FMN1: variants seen among roughly 807,000 people sequenced by gnomAD.
FMN1 encodes the protein formin-1.
Under a neutral mutation model 132.4 loss-of-function variants are expected in FMN1, and 110 were observed. The observed-to-expected ratio is 0.83, with a 90% CI of 0.71 to 0.97. The LOEUF is 0.97. Among genes scored for constraint, FMN1 ranks in the 50% least tolerant of loss-of-function variants. FMN1 has a pLI of 0.00. For missense variants in FMN1, 1,792 were observed against 1,705.3 expected (o/e 1.05, Z -0.90); for synonymous variants, 722 against 651.7 (o/e 1.11, Z -1.64).
At chr15:33,070,679 G>A (rs563043474) in intron 5 of FMN1, among the ~76,000 whole-genome samples, 3 of 152,116 alleles carry the variant, frequency 2.0e-5, no homozygotes, top group Admixed American at 2.0e-4. Flanking sequence ...GGTATTATTA[G>A]GCCCATTTTT....
At chr15:32,960,736 C>T (rs2030416308) in intron 9 of FMN1, among the ~76,000 whole-genome samples, 1 of 152,036 alleles carries the variant, frequency 6.6e-6, no homozygotes, top group Admixed American at 6.5e-5. Flanking sequence ...TGGCTCACGC[C>T]TGTAATCCCA....
chr15:33,061,434 C>G (rs1012297815), intron 6 of FMN1, among the ~76,000 whole-genome samples: 4 of 151,852 alleles, frequency 2.6e-5, no homozygotes, highest in Admixed American at 6.6e-5. Context: ...TACATATATA[C>G]AAATATATAT....
At chr15:33,091,345 G>A (rs984668691) in intron 4 of FMN1, among the ~76,000 whole-genome samples, 5 of 152,142 alleles carry the variant, frequency 3.3e-5, no homozygotes, top group Admixed American at 6.5e-5. Flanking sequence ...ATCCAATACT[G>A]CATTAATGAG....
chr15:32,893,536 G>A (rs2060083371), intron 15 of FMN1, among the ~76,000 whole-genome samples: 1 of 152,256 alleles, frequency 6.6e-6, no homozygotes, highest in Non-Finnish European at 1.5e-5. Context: ...CAAAAACCAG[G>A]CATGAGAATA....
At chr15:32,774,400 T>C in intron 20 of FMN1, 46 bp from the exon 21 acceptor site, 2 of 1,499,148 alleles carry the variant, frequency 1.3e-6, no homozygotes, top group Non-Finnish European at 1.8e-6. Flanking sequence ...TTCATCTTTC[T>C]CAAGTTTTGA....
chr15:32,988,012 A>G (rs1397767562), intron 7 of FMN1, among the ~76,000 whole-genome samples: 1 of 150,032 alleles, frequency 6.7e-6, no homozygotes, highest in Non-Finnish European at 1.5e-5. Flanking sequence ...AAAAAATGTT[A>G]AAAGGTATTC....
At chr15:32,785,191 TG>T (rs2056820824) in intron 19 of FMN1, among the ~76,000 whole-genome samples, 1 of 40,924 alleles carries the variant, frequency 2.4e-5, no homozygotes, top group Non-Finnish European at 5.1e-5. Context: ...TGTGTGTGTG[TG>T]TGTGTGTGTA....
intron 4 of FMN1, among the ~76,000 whole-genome samples, chr15:33,093,842 A>G (rs1403000179): frequency 1.3e-5 from 2 of 152,240 alleles, no homozygotes; most frequent in Admixed American, 6.5e-5. Flanking sequence ...GGCAACTGCA[A>G]TGTAGTTTGC....
chr15:33,081,875 G>A (rs922866940), intron 5 of FMN1, among the ~76,000 whole-genome samples: 3 of 152,082 alleles, frequency 2.0e-5, no homozygotes, highest in Admixed American at 6.6e-5. Context: ...TTACATCCAG[G>A]TTCATAAGAT....
At chr15:32,787,584 C>G (rs1255423761) in intron 19 of FMN1, among the ~76,000 whole-genome samples, 1 of 152,198 alleles carries the variant, frequency 6.6e-6, no homozygotes, top group Non-Finnish European at 1.5e-5. Context: ...GGCATGGTGG[C>G]TCACACCTGT....
intron 18 of FMN1, among the ~76,000 whole-genome samples, chr15:32,799,235 G>C (rs1253748013): frequency 1.3e-5 from 2 of 152,122 alleles, no homozygotes; most frequent in African/African-American, 2.4e-5. Context: ...AAAACGTCTC[G>C]AGTTTGTTCT....
At chr15:33,188,341 A>G (rs1483921094) in intron 2 of FMN1, among the ~76,000 whole-genome samples, 1 of 151,992 alleles carries the variant, frequency 6.6e-6, no homozygotes, top group South Asian at 2.1e-4. Context: ...CTTTGTCTCA[A>G]AAAAAAAGTC....
At chr15:32,997,399 GGAC>G (rs1306329539) in intron 7 of FMN1, among the ~76,000 whole-genome samples, 4 of 150,856 alleles carry the variant, frequency 2.7e-5, no homozygotes, top group Non-Finnish European at 5.9e-5. Flanking sequence ...CTTTGACACA[GGAC>G]GAGAGAAAAA....
At chr15:33,139,656 C>G (rs1963926260) in intron 4 of FMN1, among the ~76,000 whole-genome samples, 1 of 152,130 alleles carries the variant, frequency 6.6e-6, no homozygotes, top group African/African-American at 2.4e-5. Context: ...CACTAAAGAT[C>G]CAAATAAGCT....
chr15:33,071,810 T>C (rs2038009756), intron 5 of FMN1, among the ~76,000 whole-genome samples: 1 of 152,230 alleles, frequency 6.6e-6, no homozygotes, highest in Non-Finnish European at 1.5e-5. Flanking sequence ...AATATTCAAA[T>C]AAGCAACCTA....
intron 17 of FMN1, among the ~76,000 whole-genome samples, chr15:32,829,690 C>G (rs1271708568): frequency 6.6e-6 from 1 of 152,170 alleles, no homozygotes; most frequent in Non-Finnish European, 1.5e-5. Context: ...CTTACAAAAG[C>G]AATAAGGATT....
chr15:33,004,940 A>AAAAAAACCAAAC (rs1170188976), intron 7 of FMN1, among the ~76,000 whole-genome samples: 1 of 149,774 alleles, frequency 6.7e-6, no homozygotes, highest in South Asian at 2.1e-4. Flanking sequence ...TCGCAAGGAC[A>AAAAAAACCAAAC]AAAAAACCAA....
chr15:32,822,746 C>G (rs1464468033), intron 17 of FMN1, among the ~76,000 whole-genome samples: 1 of 152,096 alleles, frequency 6.6e-6, no homozygotes, highest in Non-Finnish European at 1.5e-5. Context: ...AAAAATATTT[C>G]ATCAACTCAA....
chr15:33,048,440 G>A (rs2036792214), intron 6 of FMN1, among the ~76,000 whole-genome samples: 1 of 151,626 alleles, frequency 6.6e-6, no homozygotes. Context: ...TGTTGTAGAT[G>A]GTCTTTGTAA....
Sources: allele counts gnomAD v4.1 joint callset (sites outside exome capture counted in the v4.1 genomes callset), GRCh38; gene constraint gnomAD v4.1.1; transcripts MANE v1.5; gene names NCBI Gene and HGNC (gene_info 2026-07-23, HGNC 2026-07-21).